ABCA7: variants seen among roughly 807,000 people sequenced by gnomAD.
The protein encoded by ABCA7 is phospholipid-transporting ATPase ABCA7.
A neutral mutation model predicts 227.6 loss-of-function variants in ABCA7; 261 were observed. The ratio of observed to expected loss-of-function variants is 1.15; its 90% CI spans 1.04 to 1.27. The LOEUF is 1.27. Among genes scored for constraint, ABCA7 ranks in the 50% most tolerant of loss-of-function variants. The probability of loss-of-function intolerance (pLI) is 0.00; values close to 1 mark genes in which losing one functional copy is unlikely to be tolerated. For missense variants in ABCA7, 3,331 were observed against 2,924.5 expected (o/e 1.14, Z -3.21); for synonymous variants, 1,488 against 1,279.7 (o/e 1.16, Z -3.47).
At chr19:1,060,207 A>ATATATTTTTTTTTTT in intron 40 of ABCA7, among the ~76,000 whole-genome samples, 4 of 96,766 alleles carry the variant, frequency 4.1e-5, no homozygotes, top group African/African-American at 1.4e-4. Flanking sequence ...ATATATATAT[A>ATATATTTTTTTTTTT]TTTTTTTTTC....
At chr19:1,047,772 A>G (rs2040859756) in intron 16 of ABCA7, 118 bp downstream of exon 16, 21 of 1,065,848 alleles carry the variant, frequency 2.0e-5, no homozygotes, top group Middle Eastern at 3.3e-4. Context: ...CTTGGAGAGA[A>G]GGCGGGGCTT....
At chr19:1,045,561 A>G (rs1337154886) in intron 12 of ABCA7, 1 of 313,278 alleles carries the variant, frequency 3.2e-6, no homozygotes, top group Non-Finnish European at 6.0e-6. Context: ...AGCGCAGTAG[A>G]TCTTGCCTGT....
rs747589421 is a variant in ABCA7, at chr19:1,061,860, A to G, written c.5542A>G (p.Arg1848Gly). The change falls in exon 41 of 47, where the codon AGG becomes GGG. Residue 1848 changes from arginine to glycine, a missense_variant. Arg to Gly is a moderately radical substitution (Grantham distance 125). Transcript: ENST00000263094. ...GGTGACGGGGGACACATTGGCCAGC[A>G]GGGGCGAGGCTGTGCTGGCAGGCCA... The part of the protein sequence containing the change: ...RMVTGDTLAS[R>G]GEAVLAGHSV... 4 of 1,599,004 alleles carry G rather than the reference A, an allele frequency of 2.5e-6. No individual in the cohort carries two copies. The African/African-American group carries it at 5.6e-5, about 22-fold the overall frequency.
At position 1,047,228 on chromosome 19, in the gene ABCA7, G is replaced by T. The variant is rs746473132; in HGVS notation, c.1917G>T (p.Thr639=). 1.9e-6 allele frequency: 3 copies of T among 1,608,570 alleles called. No individual in the cohort carries two copies. Among genetic ancestry groups the T allele is most frequent in the Non-Finnish European group, 1.7e-6 (2 of 1,179,454 alleles). The change falls in exon 15 of 47, where the codon ACG becomes ACT. Residue 639 remains threonine (T), a synonymous_variant. Coordinates refer to ENST00000263094, the MANE Select transcript of ABCA7 (RefSeq NM_019112.4). ...TCTTGGCAGCCTTCGCGGTGGCCAC[G>T]GTGACCCAGAGCTTCCTGCTCAGCG... ...FLFLAAFAVA[T]VTQSFLLSAF...
In ABCA7 at chr19:1,053,355, C is replaced by T. The variant is rs765531464; in HGVS notation, c.3247C>T (p.Gln1083Ter). The T allele has an allele frequency of 1.1e-5, 17 of 1,609,546 alleles. No homozygotes were observed. Among genetic ancestry groups the T allele is most frequent in the Admixed American group, 1.7e-5 (1 of 59,928 alleles). Residue 1083 changes from glutamine to a stop codon, truncating the protein, a stop_gained, in exon 24 of 47, where the codon CAG becomes TAG. Transcript: ENST00000263094. LOFTEE classifies it high-confidence loss of function. ...CACTCCTCAGCTGCTGGCCCTGGTA[C>T]AGCACTGGGTGCCCGGGGCACGGCT... is the stretch of plus-strand genomic sequence containing the variant. ...VGTPQLLALV[Q>*]HWVPGARLVE...
rs2042830227 is a variant in ABCA7, at chr19:1,063,583, T to C, written c.5752T>C (p.Tyr1918His). 6.2e-7 allele frequency: 1 copy of C among 1,611,082 alleles called. No individual in the cohort carries two copies. Among genetic ancestry groups the C allele is most frequent in the African/African-American group, 1.3e-5 (1 of 74,928 alleles). The change falls in exon 43 of 47, where the codon TAC (tyrosine) becomes CAC (histidine). Residue 1918 changes from tyrosine to histidine, a missense_variant. Tyr to His is a moderately conservative substitution (Grantham distance 83). Transcript: ENST00000263094. ...SGLARLGLSW[Y>H]ADRPAGTYSG... The stretch of plus-strand genomic sequence containing the variant: ...CCTGGCGCGTCTGGGACTCTCATGG[T>C]ACGCAGACCGGCCTGCAGGCACCTA...
chr19:1,050,316 G>A (rs979858871), intron 18 of ABCA7, among the ~76,000 whole-genome samples: 3 of 151,980 alleles, frequency 2.0e-5, no homozygotes, highest in Non-Finnish European at 2.9e-5. Flanking sequence ...GGAGGCTGAG[G>A]CAGGAGAACT....
intron 16 of ABCA7, 47 bp downstream of exon 16, chr19:1,047,701 C>G (rs766685983): frequency 1.4e-6 from 2 of 1,453,150 alleles, no homozygotes; most frequent in Non-Finnish European, 9.2e-7. Context: ...ACCTGCTTTG[C>G]GGGAGGCTGA....
Position 1,055,336 on chromosome 19 carries a change from G to A in ABCA7, c.4190G>A (p.Arg1397His), listed in dbSNP as rs1392480423. ...LSDFLVKTYP[R>H]LVRQGLKTKK... The stretch of plus-strand genomic sequence containing the variant: ...GACTTCCTGGTCAAGACCTACCCGC[G>A]CCTGGTGCGCCAGGGGTGAGCCATG... Residue 1397 changes from arginine (R) to histidine (H), a missense_variant, in exon 30 of 47, where the codon CGC (arginine) becomes CAC (histidine). Physicochemically the swap from Arg to His is conservative, Grantham distance 29. Coordinates refer to ENST00000263094, the MANE Select transcript of ABCA7 (RefSeq NM_019112.4). 7.6e-6 allele frequency: 12 copies of A among 1,589,360 alleles called. No individual in the cohort carries two copies. The highest frequency in any genetic ancestry group is 1.7e-4 in the Middle Eastern group (1 of 6,020).
At position 1,043,033 on chromosome 19, in the gene ABCA7, C is replaced by A; in HGVS notation, c.580-8C>A. ...CATTGCCAGCTCCGTCTGGTAACCT[C>A]TCTCTAGCTCCTGGCGCTGCGCAGC... On this transcript the variant is annotated splice_region_variant and splice_polypyrimidine_tract_variant and intron_variant, in intron 7 of 46. Coordinates refer to ENST00000263094, the MANE Select transcript of ABCA7 (RefSeq NM_019112.4). 3 of 1,591,498 alleles carry A rather than the reference C, an allele frequency of 1.9e-6. No individual in the cohort carries two copies. Among genetic ancestry groups the A allele is most frequent in the Non-Finnish European group, 2.6e-6 (3 of 1,164,986 alleles).
chr19:1,058,151 G>C lies in ABCA7; in HGVS notation c.5031G>C (p.Leu1677=). 6.2e-7 allele frequency: 1 copy of C among 1,613,944 alleles called. No individual in the cohort carries two copies. The highest frequency in any genetic ancestry group is 8.5e-7 in the Non-Finnish European group (1 of 1,179,988). ...CGTCTCCCACCCTTGAGCAGAAGCT[G>C]CAGGAGGTGAGCCGGATCTTGAAAC... ...FVLELFSDQK[L]QEVSRILKQV... is the part of the protein sequence containing the mutation. Residue 1677 remains leucine, a synonymous_variant, in exon 37 of 47, where the codon CTG becomes CTC. Coordinates refer to ENST00000263094, the MANE Select transcript of ABCA7 (RefSeq NM_019112.4).
chr19:1,042,007 A>C, intron 4 of ABCA7, 35 bp downstream of exon 4: 1 of 1,577,438 alleles, frequency 6.3e-7, no homozygotes, highest in Non-Finnish European at 8.6e-7. Flanking sequence ...CCGGCCTGCA[A>C]ACTCGGGGCT....
chr19:1,040,131 G>A lies in ABCA7; in HGVS notation c.-203G>A, dbSNP rs1282539041. ...CAAGCTCAGCGCACTTGGCTTAAGG[G>A]GCGGCGCGCTCCCTGCCTGCTGCTG... On this transcript the variant is annotated 5_prime_UTR_variant, in exon 1 of 47. Coordinates refer to ENST00000263094, the MANE Select transcript of ABCA7 (RefSeq NM_019112.4). 1 of 152,404 alleles carries A rather than the reference G, an allele frequency of 6.6e-6. No homozygotes were observed. Among genetic ancestry groups the A allele is most frequent in the South Asian group, 2.1e-4 (1 of 4,834 alleles). The allele number at this position is 152,404 out of a possible 1,614,324, so 9.4% of individuals were successfully genotyped here. A position where few individuals can be genotyped will look rare whatever the true frequency, so the allele number is the denominator to read the frequency against.
chr19:1,054,505 C>T lies in ABCA7; in HGVS notation c.3727-65C>T. ...GCCATGGGTGGTTGTAGAGCAGGAG[C>T]AGGGACAGGTGCAAGCAAGCCTGGA... On this transcript the variant is annotated intron_variant, in intron 27 of 46. Coordinates refer to ENST00000263094, the MANE Select transcript of ABCA7 (RefSeq NM_019112.4). This position sits in a 1 kb window ranked among gnomAD's most constrained non-coding sequence, Gnocchi z 4.8. The T allele has an allele frequency of 3.2e-6, 5 of 1,583,178 alleles. No homozygotes were observed. The highest frequency in any genetic ancestry group is 4.3e-6 in the Non-Finnish European group (5 of 1,163,070).
At position 1,045,046 on chromosome 19, in the gene ABCA7, C is replaced by T. The variant is rs2040476385; in HGVS notation, c.1260C>T (p.Ala420=). ...DKLEAAPSEA[A]LVSRALQLLA... ...TGGAGGCGGCACCCTCAGAGGCAGC[C>T]CTGGTGTCGCGGGCCCTGCAACTGC... Residue 420 remains alanine (A), a synonymous_variant, in exon 12 of 47, where the codon GCC becomes GCT. Transcript: ENST00000263094. 1.9e-6 allele frequency: 3 copies of T among 1,612,870 alleles called. No homozygotes were observed. The East Asian group carries it at 6.7e-5, about 36-fold the overall frequency.
rs2040757873 is a variant in ABCA7, at chr19:1,047,035, C to T, written c.1845+11C>T. The T allele has an allele frequency of 6.4e-7, 1 of 1,556,086 alleles. No individual in the cohort carries two copies. On this transcript the variant is annotated intron_variant, in intron 14 of 46. Transcript: ENST00000263094. ...GTTCTGGTGCTCAAGGTGGGCGCGCCTCGGCCTGCCCGGCTGCAGAATGGG... is the reference window on the plus strand; with the variant it reads ...GTTCTGGTGCTCAAGGTGGGCGCGCTTCGGCCTGCCCGGCTGCAGAATGGG...
At position 1,043,699 on chromosome 19, in the gene ABCA7, A is replaced by G. The variant is rs199966168; in HGVS notation, c.931-26A>G. ...GGGGTCCTCAGAGGAGGAGAGGGTC[A>G]TCAGTGGAGGGGGTGCTGTCCACAG... On this transcript the variant is annotated intron_variant, in intron 9 of 46. Coordinates refer to ENST00000263094, the MANE Select transcript of ABCA7 (RefSeq NM_019112.4). 5.8e-4 allele frequency: 938 copies of G among 1,608,512 alleles called. 7 individuals carry two copies. The highest frequency in any genetic ancestry group is 4.0e-3 in the South Asian group (364 of 91,016).
intron 16 of ABCA7, 68 bp from the exon 17 acceptor site, chr19:1,048,827 A>G: frequency 1.1e-6 from 1 of 917,946 alleles, no homozygotes; most frequent in African/African-American, 1.8e-5. Context: ...AAAAAAACAA[A>G]ACCCCAAAAA....
In ABCA7 at chr19:1,053,778, G is replaced by T; in HGVS notation, c.3424-10G>T. On this transcript the variant is annotated splice_polypyrimidine_tract_variant and intron_variant, in intron 24 of 46. Transcript: ENST00000263094. ...GTGTCCAGTCTCTGAGCCCCTGCTT[G>T]TCTCCCCAGATCTTCCTGAAGGTGG... is the stretch of plus-strand genomic sequence containing the variant. 6.2e-7 allele frequency: 1 copy of T among 1,610,222 alleles called. No homozygotes were observed. Among genetic ancestry groups the T allele is most frequent in the Non-Finnish European group, 8.5e-7 (1 of 1,177,654 alleles).
Sources: gnomAD v4.1 joint callset for allele counts (sites outside exome capture counted in the v4.1 genomes callset) on GRCh38, gnomAD v4.1.1 for gene constraint, Gnocchi (gnomAD v3.1) non-coding constraint, MANE v1.5 for transcripts, NCBI Gene and HGNC (gene_info 2026-07-23, HGNC 2026-07-21) for gene names.